DPRX: variants seen among roughly 807,000 people sequenced by gnomAD.
DPRX encodes the protein divergent-paired related homeobox.
DPRX carries 11 observed loss-of-function variants against 8.4 expected under a neutral mutation model. That is an observed-to-expected ratio of 1.31 (90% CI 0.82 to 2.17). DPRX has a LOEUF of 2.17. Among genes scored for constraint, DPRX ranks in the 30% most tolerant of loss-of-function variants. The pLI, the probability that DPRX is intolerant of heterozygous loss-of-function variation, is 0.00. For synonymous variants in DPRX, 72 were observed against 87.0 expected, an observed-to-expected ratio of 0.83 and a Z score of 0.96; for missense variants, 211 against 236.7, an observed-to-expected ratio of 0.89 and a Z score of 0.71.
the DPRX span, chr19:53,602,013 G>T: frequency 2.2e-6 from 1 of 456,476 alleles, no homozygotes; most frequent in South Asian, 1.5e-5. Context: ...GTAAAGAGGA[G>T]TGTTGCTCTG....
chr19:53,635,724 C>T (rs1397970101), intron 2 of DPRX, among the ~76,000 whole-genome samples: 1 of 152,174 alleles, frequency 6.6e-6, no homozygotes, highest in Non-Finnish European at 1.5e-5. Context: ...TCAGTCCCAA[C>T]ACACATACAA....
Position 53,632,145 on chromosome 19 carries a change from A to G in DPRX, c.28+11A>G, listed in dbSNP as rs1295536961. The G allele has an allele frequency of 1.2e-6, 2 of 1,614,062 alleles. No homozygotes were observed. The highest frequency in any genetic ancestry group is 1.7e-6 in the Non-Finnish European group (2 of 1,179,982). On this transcript the variant is annotated intron_variant, in intron 1 of 2. Transcript: ENST00000376650. ...AGGATCTTCGTAAAGGTAAGCCAGA[A>G]AAAATGAGAACCGAAGCAAAGACAC...
chr19:53,601,692 G>C, the DPRX span, among the ~76,000 whole-genome samples: 1 of 152,002 alleles, frequency 6.6e-6, no homozygotes, highest in Non-Finnish European at 1.5e-5. Context: ...ATGTTGGTCA[G>C]GCTGGTCCCG....
At chr19:53,625,440 T>A in the DPRX span, among the ~76,000 whole-genome samples, 1 of 152,076 alleles carries the variant, frequency 6.6e-6, no homozygotes, top group Non-Finnish European at 1.5e-5. Flanking sequence ...ATCCTTCGTC[T>A]CTTCTCCTGC....
At chr19:53,605,675 T>C in the DPRX span, among the ~76,000 whole-genome samples, 1 of 151,920 alleles carries the variant, frequency 6.6e-6, no homozygotes, top group Non-Finnish European at 1.5e-5. Flanking sequence ...ATTATTTTAT[T>C]TTATTTTGAG....
chr19:53,629,315 CAAAAAA>C (rs57730463), upstream of DPRX, among the ~76,000 whole-genome samples: 1 of 102,668 alleles, frequency 9.7e-6, no homozygotes. Context: ...GACTCTGTCT[CAAAAAA>C]AAAAAAAAAA....
At chr19:53,635,383 C>T (rs1429833762) in intron 2 of DPRX, among the ~76,000 whole-genome samples, 1 of 151,782 alleles carries the variant, frequency 6.6e-6, no homozygotes, top group Non-Finnish European at 1.5e-5. Flanking sequence ...TTGCTCTTGC[C>T]CACATTGGAG....
chr19:53,608,997 A>G, the DPRX span, among the ~76,000 whole-genome samples: 1 of 149,556 alleles, frequency 6.7e-6, no homozygotes, highest in African/African-American at 2.4e-5. Context: ...AAGAAAGAGA[A>G]AGAAAGAAAG....
chr19:53,619,254 G>C, the DPRX span, among the ~76,000 whole-genome samples: 1 of 152,020 alleles, frequency 6.6e-6, no homozygotes, highest in African/African-American at 2.4e-5. Context: ...CTAAGGACAT[G>C]TTGAGGCCAG....
At chr19:53,619,631 T>C in the DPRX span, among the ~76,000 whole-genome samples, 5 of 149,422 alleles carry the variant, frequency 3.3e-5, no homozygotes, top group Non-Finnish European at 7.4e-5. Flanking sequence ...GCCGAGATCG[T>C]GCCATTGCAC....
chr19:53,604,054 T>C, the DPRX span, among the ~76,000 whole-genome samples: 1 of 152,158 alleles, frequency 6.6e-6, no homozygotes, highest in Non-Finnish European at 1.5e-5. Flanking sequence ...CCGTAATTGA[T>C]AAGTTTTCAA....
chr19:53,608,101 G>A, the DPRX span, among the ~76,000 whole-genome samples: 1 of 147,696 alleles, frequency 6.8e-6, no homozygotes, highest in Non-Finnish European at 1.5e-5. Context: ...GAACCCGGGA[G>A]GCAGAGGTTG....
the DPRX span, among the ~76,000 whole-genome samples, chr19:53,611,168 C>T: frequency 1.3e-5 from 2 of 152,128 alleles, no homozygotes; most frequent in Non-Finnish European, 2.9e-5. Flanking sequence ...TCTGAAAGCA[C>T]TGGGATTACA....
At chr19:53,620,062 C>G in the DPRX span, among the ~76,000 whole-genome samples, 3 of 151,928 alleles carry the variant, frequency 2.0e-5, no homozygotes, top group African/African-American at 7.2e-5. Context: ...TGTTGACTTC[C>G]TGCAGTTCAA....
Position 53,636,763 on chromosome 19 carries a change from C to A in DPRX, c.351C>A (p.Ile117=), listed in dbSNP as rs138559564. The change falls in exon 3 of 3, where the codon ATC becomes ATA. Residue 117 remains isoleucine (I), a synonymous_variant. Transcript: ENST00000376650. ...GATTGCCCAACGCTGCTCACCCGAT[C>A]GGCCTGGTGTACACGGGTCATCGAG... 6.2e-6 allele frequency: 10 copies of A among 1,614,176 alleles called. No homozygotes were observed. In the East Asian group the frequency reaches 1.6e-4, roughly 25 times the overall value.
chr19:53,610,001 A>G, the DPRX span, among the ~76,000 whole-genome samples: 1 of 150,974 alleles, frequency 6.6e-6, no homozygotes, highest in Non-Finnish European at 1.5e-5. Flanking sequence ...TAAAAATAAA[A>G]ATAAGCCAGG....
At chr19:53,616,909 C>T in the DPRX span, 1 of 1,447,948 alleles carries the variant, frequency 6.9e-7, no homozygotes, top group South Asian at 1.1e-5. Flanking sequence ...TATGTATGCT[C>T]TGGTGGTGGT....
chr19:53,630,591 A>G (rs2091088873), upstream of DPRX, among the ~76,000 whole-genome samples: 1 of 151,932 alleles, frequency 6.6e-6, no homozygotes, highest in Admixed American at 6.6e-5. Flanking sequence ...TGAGCCCAGT[A>G]GGTCGAGGCT....
At chr19:53,601,406 G>A in the DPRX span, 15 of 455,316 alleles carry the variant, frequency 3.3e-5, no homozygotes, top group African/African-American at 2.4e-4. Flanking sequence ...AGCACACCAC[G>A]AACGTCTGCA....
Sources: allele counts gnomAD v4.1 joint callset (sites outside exome capture counted in the v4.1 genomes callset), GRCh38; gene constraint gnomAD v4.1.1; transcripts MANE v1.5; gene names NCBI Gene and HGNC (gene_info 2026-07-23, HGNC 2026-07-21).